Variants in ERC2 observed in about 807,000 individuals in gnomAD.
ERC2 encodes ELKS/RAB6-interacting/CAST family member 2, also known as ERC protein 2.
A neutral mutation model predicts 114.8 loss-of-function variants in ERC2; 42 were observed. The observed-to-expected ratio is 0.37, with a 90% CI of 0.29 to 0.47. The LOEUF (loss-of-function observed/expected upper bound fraction) is 0.47. Among genes scored for constraint, ERC2 ranks in the 20% least tolerant of loss-of-function variants. ERC2 has a pLI of 0.99. For missense variants in ERC2, 939 were observed against 1,150.7 expected, an observed-to-expected ratio of 0.82 and a Z score of 2.66; for synonymous variants, 454 against 425.5, an observed-to-expected ratio of 1.07 and a Z score of -0.82.
chr3:55,800,526 T>A, intron 14 of ERC2, among the ~76,000 whole-genome samples: 1 of 152,196 alleles, frequency 6.6e-6, no homozygotes, highest in East Asian at 1.9e-4. Flanking sequence ...ACAATGCTCA[T>A]GATAGCTCGT....
chr3:55,863,963 A>AAC (rs142159776), intron 14 of ERC2, among the ~76,000 whole-genome samples: 6,685 of 148,758 alleles, frequency 0.045, 508 homozygotes, highest in African/African-American at 0.16. Context: ...TCCTCTCTGT[A>AAC]ACACACACAC....
intron 6 of ERC2, among the ~76,000 whole-genome samples, chr3:56,118,622 C>T (rs1358308157): frequency 1.3e-5 from 2 of 150,470 alleles, no homozygotes; most frequent in Non-Finnish European, 3.0e-5. Flanking sequence ...GAAGTTCACA[C>T]TAATATTCCT....
chr3:56,173,531 A>C lies in ERC2; in HGVS notation c.1075-11T>G. ...TCTTCGGTGCAATTCCTGGGGAGGA[A>C]CACGATAGAAATAAGCCTGACGGTT... On this transcript the variant is annotated splice_polypyrimidine_tract_variant and intron_variant, in intron 3 of 17. Transcript: ENST00000288221. 1 of 1,613,472 alleles carries C rather than the reference A, an allele frequency of 6.2e-7. No homozygotes were observed. The highest frequency in any genetic ancestry group is 8.5e-7 in the Non-Finnish European group (1 of 1,179,490).
chr3:55,933,558 T>G (rs374257358), intron 13 of ERC2, among the ~76,000 whole-genome samples: 1 of 152,232 alleles, frequency 6.6e-6, no homozygotes, highest in African/African-American at 2.4e-5. Context: ...GCAGCCTATA[T>G]GTGCAGGGCT....
chr3:56,326,223 C>A (rs967445250), intron 2 of ERC2, among the ~76,000 whole-genome samples: 4 of 152,154 alleles, frequency 2.6e-5, no homozygotes, highest in Non-Finnish European at 5.9e-5. Flanking sequence ...CAAGCCAAAG[C>A]CTGAGGAAAG....
At chr3:56,216,421 C>T (rs1320600336) in intron 3 of ERC2, among the ~76,000 whole-genome samples, 1 of 152,188 alleles carries the variant, frequency 6.6e-6, no homozygotes, top group Admixed American at 6.5e-5. Context: ...TCGACACATA[C>T]ACCCTTCCGA....
chr3:55,565,907 T>C (rs1305501287), intron 17 of ERC2, among the ~76,000 whole-genome samples: 2 of 152,258 alleles, frequency 1.3e-5, no homozygotes, highest in Non-Finnish European at 2.9e-5. Flanking sequence ...CAAAAGTCTT[T>C]TGCTGCTAAG....
intron 2 of ERC2, among the ~76,000 whole-genome samples, chr3:56,320,162 G>T (rs2057061497): frequency 6.6e-6 from 1 of 152,102 alleles, no homozygotes; most frequent in Non-Finnish European, 1.5e-5. Context: ...ATATTTGATT[G>T]ATTACAGATA....
At chr3:55,533,061 G>A (rs1400387185) in intron 17 of ERC2, among the ~76,000 whole-genome samples, 2 of 152,260 alleles carry the variant, frequency 1.3e-5, no homozygotes, top group African/African-American at 4.8e-5. Context: ...TGGCTAACCT[G>A]CAAAGACAGG....
At chr3:56,126,682 G>C (rs1022567486) in intron 6 of ERC2, among the ~76,000 whole-genome samples, 1 of 151,880 alleles carries the variant, frequency 6.6e-6, no homozygotes, top group Non-Finnish European at 1.5e-5. Context: ...TTGAGCCCAG[G>C]AGTTCAAAGC....
At chr3:56,001,097 A>G (rs538118831) in intron 10 of ERC2, among the ~76,000 whole-genome samples, 22 of 151,960 alleles carry the variant, frequency 1.4e-4, no homozygotes, top group African/African-American at 4.6e-4. Context: ...AAGAAAAAGT[A>G]ACACAAGAGT....
intron 14 of ERC2, among the ~76,000 whole-genome samples, chr3:55,867,908 T>C (rs2062401393): frequency 2.0e-5 from 3 of 152,200 alleles, no homozygotes; most frequent in African/African-American, 4.8e-5. Flanking sequence ...TTGAATGATA[T>C]AATATTATTC....
intron 1 of ERC2, among the ~76,000 whole-genome samples, chr3:56,439,218 G>A (rs1474106591): frequency 2.6e-5 from 4 of 152,198 alleles, no homozygotes; most frequent in African/African-American, 9.6e-5. Flanking sequence ...GCTGAGGCAG[G>A]AGGATTGCTT....
rs112065823 is a variant in ERC2, at chr3:56,428,057, G to GA, written c.657+6293dup. On this transcript the variant is annotated intron_variant, in intron 2 of 17. Transcript: ENST00000288221. Reference sequence around the variant, plus strand: ...ATGGTTTCTTAGACTTATAGTGGTAGAAAAAAAGGAGCCTGGAAGAAGGTA... The same window carrying GA: ...ATGGTTTCTTAGACTTATAGTGGTAGAAAAAAAAGGAGCCTGGAAGAAGGTA... Among the ~76,000 whole-genome samples the GA allele has an allele frequency of 9.2e-3, 1,406 of 152,176 alleles. 26 individuals are homozygous for GA. Among genetic ancestry groups the GA allele is most frequent in the African/African-American group, 0.032 (1,318 of 41,514 alleles).
intron 14 of ERC2, among the ~76,000 whole-genome samples, chr3:55,749,933 G>A (rs2066573846): frequency 6.6e-6 from 1 of 152,146 alleles, no homozygotes; most frequent in Non-Finnish European, 1.5e-5. Context: ...GCCAACTCCG[G>A]ACACAAAGGG....
chr3:55,581,251 C>T (rs1310448367), intron 17 of ERC2, among the ~76,000 whole-genome samples: 1 of 152,146 alleles, frequency 6.6e-6, no homozygotes, highest in Non-Finnish European at 1.5e-5. Flanking sequence ...TCGCCACTTC[C>T]TTTAAAAAGG....
chr3:55,900,567 C>G (rs2064078600), intron 13 of ERC2, among the ~76,000 whole-genome samples: 1 of 152,180 alleles, frequency 6.6e-6, no homozygotes, highest in African/African-American at 2.4e-5. Context: ...GAAGAGACAC[C>G]TATTGATGAT....
intron 6 of ERC2, among the ~76,000 whole-genome samples, chr3:56,092,973 G>C (rs1374437318): frequency 1.3e-5 from 2 of 152,112 alleles, no homozygotes; most frequent in Non-Finnish European, 2.9e-5. Context: ...AGATAATTTA[G>C]TACTAAGTAA....
chr3:55,744,495 T>C (rs890447926), intron 14 of ERC2, among the ~76,000 whole-genome samples: 1 of 152,232 alleles, frequency 6.6e-6, no homozygotes, highest in Admixed American at 6.5e-5. Context: ...CCTTAGCCTC[T>C]GATTGGTTGC....
Sources: allele counts gnomAD v4.1 joint callset (sites outside exome capture counted in the v4.1 genomes callset), GRCh38; gene constraint gnomAD v4.1.1; transcripts MANE v1.5; gene names NCBI Gene and HGNC (gene_info 2026-07-23, HGNC 2026-07-21).